The following PDZRN4 variants were observed in gnomAD, a reference collection of about 807,000 sequenced individuals.
The protein encoded by PDZRN4 is PDZ domain-containing RING finger protein 4.
Under a neutral mutation model 99.0 loss-of-function variants are expected in PDZRN4, and 70 were observed. That is an observed-to-expected ratio of 0.71 (90% CI 0.58 to 0.86). PDZRN4 has a LOEUF of 0.86. Among genes scored for constraint, PDZRN4 ranks in the 40% least tolerant of loss-of-function variants. The probability of loss-of-function intolerance (pLI) is 0.00; values close to 1 mark genes in which losing one functional copy is unlikely to be tolerated. For missense variants in PDZRN4, 1,474 were observed against 1,331.2 expected (o/e 1.11, Z -1.67); for synonymous variants, 551 against 501.6 (o/e 1.10, Z -1.32).
At chr12:41,409,710 G>A (rs1014455648) in intron 3 of PDZRN4, 1 of 152,178 alleles carries the variant, frequency 6.6e-6, no homozygotes, top group Non-Finnish European at 1.5e-5. Context: ...TCTTAGGGCT[G>A]TCTCTGGGTG....
At chr12:41,453,776 G>A (rs145105202) in intron 3 of PDZRN4, among the ~76,000 whole-genome samples, 3 of 152,120 alleles carry the variant, frequency 2.0e-5, no homozygotes, top group Non-Finnish European at 4.4e-5. Context: ...CTCTGAAAGC[G>A]TAAATGAAAA....
chr12:41,343,907 A>G (rs1331453130), intron 3 of PDZRN4, among the ~76,000 whole-genome samples: 1 of 152,076 alleles, frequency 6.6e-6, no homozygotes, highest in Non-Finnish European at 1.5e-5. Flanking sequence ...AAGCATTTCA[A>G]TTTATGTAAA....
chr12:41,291,879 G>A (rs1012658940), intron 3 of PDZRN4, among the ~76,000 whole-genome samples: 1 of 149,766 alleles, frequency 6.7e-6, no homozygotes, highest in Non-Finnish European at 1.5e-5. Context: ...CCTCAAACCT[G>A]GTACATGAGA....
chr12:41,308,396 T>C (rs563796969), intron 3 of PDZRN4, among the ~76,000 whole-genome samples: 59 of 152,306 alleles, frequency 3.9e-4, no homozygotes, highest in African/African-American at 1.3e-3. Flanking sequence ...GATTTGAAGA[T>C]GTATAATTCT....
At position 41,555,195 on chromosome 12, in the gene PDZRN4, C is replaced by A. The variant is rs184477645; in HGVS notation, c.1303-503C>A. On this transcript the variant is annotated intron_variant, in intron 6 of 9. Transcript: ENST00000402685. ...GCAGTGAGCGGAGATGGCGCCACTG[C>A]ACTCCAGCCTGAGCGACAGAGCCAG... 2.4e-3 allele frequency among the ~76,000 whole-genome samples: 315 copies of A among 131,244 alleles called. 4 individuals carry two copies. Among genetic ancestry groups the A allele is most frequent in the East Asian group, 0.017 (80 of 4,640 alleles). 86.1% of individuals were successfully genotyped at this position (131,244 alleles called of 152,430 possible). A position where few individuals can be genotyped will look rare whatever the true frequency, so the allele number is the denominator to read the frequency against.
At chr12:41,351,155 G>A (rs1753112615) in intron 3 of PDZRN4, among the ~76,000 whole-genome samples, 2 of 152,066 alleles carry the variant, frequency 1.3e-5, no homozygotes, top group African/African-American at 2.4e-5. Context: ...CTAGCATGAA[G>A]ACATAGATTA....
At chr12:41,445,021 T>A (rs548254785) in intron 3 of PDZRN4, among the ~76,000 whole-genome samples, 4 of 152,102 alleles carry the variant, frequency 2.6e-5, no homozygotes, top group Admixed American at 2.6e-4. Flanking sequence ...GATCAAAATA[T>A]CATATATTTT....
At chr12:41,537,947 T>C (rs1042918207) in intron 5 of PDZRN4, among the ~76,000 whole-genome samples, 3 of 152,126 alleles carry the variant, frequency 2.0e-5, no homozygotes, top group African/African-American at 7.2e-5. Flanking sequence ...GCACTAAACT[T>C]GGCAGCTGAA....
intron 3 of PDZRN4, among the ~76,000 whole-genome samples, chr12:41,372,560 T>C (rs994666687): frequency 4.6e-5 from 7 of 152,144 alleles, no homozygotes; most frequent in African/African-American, 1.7e-4. Context: ...ATGAGCCAGA[T>C]AGATGAAGAG....
chr12:41,504,997 C>T (rs889492333), intron 3 of PDZRN4, among the ~76,000 whole-genome samples: 2 of 152,092 alleles, frequency 1.3e-5, no homozygotes, highest in African/African-American at 4.8e-5. Flanking sequence ...AAATTAGCTC[C>T]TCCAGGTCAT....
chr12:41,395,167 A>T (rs1016354310), intron 3 of PDZRN4, among the ~76,000 whole-genome samples: 1 of 152,140 alleles, frequency 6.6e-6, no homozygotes, highest in Non-Finnish European at 1.5e-5. Context: ...CTAGGTGTGG[A>T]TGAGTCTCTT....
intron 3 of PDZRN4, chr12:41,473,574 G>A (rs1327282318): frequency 6.6e-6 from 1 of 152,118 alleles, no homozygotes; most frequent in East Asian, 1.9e-4. Context: ...CTGGCCATGG[G>A]CCCCATGGAA....
chr12:41,252,203 A>T (rs1951175596), intron 3 of PDZRN4, among the ~76,000 whole-genome samples: 1 of 152,228 alleles, frequency 6.6e-6, no homozygotes, highest in African/African-American at 2.4e-5. Flanking sequence ...TAAATACTTT[A>T]TGGTATGATC....
intron 3 of PDZRN4, among the ~76,000 whole-genome samples, chr12:41,410,375 A>G (rs968765892): frequency 2.0e-5 from 3 of 152,204 alleles, no homozygotes; most frequent in Admixed American, 2.0e-4. Context: ...AATAATTACA[A>G]CGGTAAAGAT....
intron 3 of PDZRN4, among the ~76,000 whole-genome samples, chr12:41,455,598 G>A (rs1212063207): frequency 6.6e-6 from 1 of 152,132 alleles, no homozygotes; most frequent in African/African-American, 2.4e-5. Flanking sequence ...GTAGCATCTT[G>A]TACTGAACCT....
intron 1 of PDZRN4, among the ~76,000 whole-genome samples, chr12:41,190,861 A>G (rs1469016076): frequency 2.6e-5 from 4 of 152,334 alleles, no homozygotes; most frequent in African/African-American, 9.6e-5. Context: ...GAAAAAATAC[A>G]TACTACTTTA....
chr12:41,496,850 C>T (rs1938013830), intron 3 of PDZRN4, among the ~76,000 whole-genome samples: 1 of 152,130 alleles, frequency 6.6e-6, no homozygotes, highest in African/African-American at 2.4e-5. Flanking sequence ...GAAACTACAG[C>T]ACTAAACACA....
chr12:41,510,107 T>G (rs1254674746), intron 5 of PDZRN4, among the ~76,000 whole-genome samples, 194 bp downstream of exon 5: 1 of 152,158 alleles, frequency 6.6e-6, no homozygotes, highest in African/African-American at 2.4e-5. Context: ...ATTTTTATAG[T>G]ATAAGCTTAA....
chr12:41,568,844 G>A (rs887528174), intron 9 of PDZRN4, among the ~76,000 whole-genome samples: 13 of 150,118 alleles, frequency 8.7e-5, no homozygotes, highest in Non-Finnish European at 1.5e-4. Context: ...TTGCTCTGTC[G>A]CTCAGGCTGG....
Sources: gnomAD v4.1 joint callset for allele counts (sites outside exome capture counted in the v4.1 genomes callset) on GRCh38, gnomAD v4.1.1 for gene constraint, MANE v1.5 for transcripts, NCBI Gene and HGNC (gene_info 2026-07-23, HGNC 2026-07-21) for gene names.